The following CPA6 variants were observed in gnomAD, a reference collection of about 807,000 sequenced individuals.
The protein encoded by CPA6 is carboxypeptidase A6.
Under a neutral mutation model 63.3 loss-of-function variants are expected in CPA6, and 58 were observed. That is an observed-to-expected ratio of 0.92 (90% CI 0.74 to 1.14). The LOEUF is 1.14. Ranked by LOEUF, CPA6 falls within the 50% of genes most tolerant of loss-of-function variation. The probability of loss-of-function intolerance (pLI) is 0.00; values close to 1 mark genes in which losing one functional copy is unlikely to be tolerated. For synonymous variants in CPA6, 185 were observed against 179.0 expected (o/e 1.03, Z -0.27); for missense variants, 565 against 526.6 (o/e 1.07, Z -0.71).
intron 6 of CPA6, among the ~76,000 whole-genome samples, chr8:67,493,474 A>G (rs1811647289): frequency 6.6e-6 from 1 of 152,186 alleles, no homozygotes. Context: ...TCCTAAACAG[A>G]AAACCCACCA....
chr8:67,666,416 GAGGGGTGGGGA>G (rs1255763923), intron 1 of CPA6, among the ~76,000 whole-genome samples: 1 of 152,144 alleles, frequency 6.6e-6, no homozygotes, highest in Non-Finnish European at 1.5e-5. Context: ...TTCACTGAGA[GAGGGGTGGGGA>G]GGGGGGCACT....
At chr8:67,509,054 A>G (rs1327045574) in intron 5 of CPA6, among the ~76,000 whole-genome samples, 1 of 152,102 alleles carries the variant, frequency 6.6e-6, no homozygotes, top group Admixed American at 6.6e-5. Flanking sequence ...CGAAGGGGGA[A>G]GTGCTACACA....
intron 8 of CPA6, among the ~76,000 whole-genome samples, chr8:67,450,566 T>C (rs1810534441): frequency 6.6e-6 from 1 of 152,246 alleles, no homozygotes; most frequent in Non-Finnish European, 1.5e-5. Flanking sequence ...GATTTTCTCC[T>C]TCAAGATTGA....
chr8:67,538,962 T>G (rs1355435016), intron 2 of CPA6, among the ~76,000 whole-genome samples: 1 of 152,202 alleles, frequency 6.6e-6, no homozygotes, highest in Non-Finnish European at 1.5e-5. Context: ...CCCGGCCCAG[T>G]CTGTGTCTTT....
intron 1 of CPA6, among the ~76,000 whole-genome samples, chr8:67,723,882 C>T (rs1267612261): frequency 6.6e-6 from 1 of 152,022 alleles, no homozygotes; most frequent in African/African-American, 2.4e-5. Flanking sequence ...CTAAATACCA[C>T]AAAGAAAGAA....
intron 2 of CPA6, among the ~76,000 whole-genome samples, chr8:67,596,706 T>G (rs1814346887): frequency 6.6e-6 from 1 of 152,232 alleles, no homozygotes; most frequent in Non-Finnish European, 1.5e-5. Flanking sequence ...TTGCAAGTTA[T>G]ACCACTAATG....
At chr8:67,497,021 T>C (rs968378208) in intron 6 of CPA6, among the ~76,000 whole-genome samples, 2 of 152,184 alleles carry the variant, frequency 1.3e-5, no homozygotes, top group African/African-American at 4.8e-5. Flanking sequence ...ATACGTAATA[T>C]TTTGTGATCA....
chr8:67,577,232 C>T (rs891319038), intron 2 of CPA6, among the ~76,000 whole-genome samples: 1 of 152,134 alleles, frequency 6.6e-6, no homozygotes, highest in African/African-American at 2.4e-5. Context: ...CCCCTCAGTA[C>T]CATGACCATT....
At chr8:67,695,820 G>A (rs1458532597) in intron 1 of CPA6, among the ~76,000 whole-genome samples, 3 of 152,160 alleles carry the variant, frequency 2.0e-5, no homozygotes, top group African/African-American at 7.2e-5. Context: ...GAATTTACAG[G>A]TCCAGGAATC....
intron 1 of CPA6, 117 bp from the exon 2 acceptor site, chr8:67,624,368 T>G (rs1179424608): frequency 5.5e-6 from 3 of 550,346 alleles, no homozygotes; most frequent in African/African-American, 1.9e-5. Context: ...AGTGAAACTT[T>G]TCACTGGCCC....
intron 1 of CPA6, among the ~76,000 whole-genome samples, chr8:67,682,837 T>G (rs542278138): frequency 1.3e-5 from 2 of 152,348 alleles, no homozygotes; most frequent in African/African-American, 2.4e-5. Flanking sequence ...CATAAACTAC[T>G]CCTTCCCTAC....
In CPA6 at chr8:67,592,056, A is replaced by G. The variant is rs1369713204; in HGVS notation, c.192+32120T>C. On this transcript the variant is annotated intron_variant, in intron 2 of 10. Coordinates refer to ENST00000297770, the MANE Select transcript of CPA6 (RefSeq NM_020361.5). The stretch of plus-strand genomic sequence containing the variant: ...GATAGCTCTTATTATTTTGAGATAC[A>G]TCCCATCAATACCCAATTTATTGAG... 3.3e-5 allele frequency among the ~76,000 whole-genome samples: 5 copies of G among 152,228 alleles called. No homozygotes were observed. The East Asian group carries it at 5.8e-4, about 18-fold the overall frequency.
At chr8:67,682,066 T>C (rs553850294) in intron 1 of CPA6, among the ~76,000 whole-genome samples, 2 of 152,292 alleles carry the variant, frequency 1.3e-5, no homozygotes, top group African/African-American at 2.4e-5. Context: ...TCTTTTAGGA[T>C]TTTCTCTTTA....
At chr8:67,637,764 G>C (rs1328207452) in intron 1 of CPA6, among the ~76,000 whole-genome samples, 3 of 151,458 alleles carry the variant, frequency 2.0e-5, no homozygotes, top group African/African-American at 7.4e-5. Flanking sequence ...TTTAGCTGCA[G>C]TGATCAGAGA....
At chr8:67,682,272 G>C (rs1012987901) in intron 1 of CPA6, among the ~76,000 whole-genome samples, 1 of 151,778 alleles carries the variant, frequency 6.6e-6, no homozygotes, top group Admixed American at 6.6e-5. Context: ...TATTGCCATG[G>C]CTTCTTCAAG....
intron 1 of CPA6, among the ~76,000 whole-genome samples, chr8:67,737,235 T>C (rs574852395): frequency 1.9e-4 from 29 of 152,306 alleles, no homozygotes; most frequent in Non-Finnish European, 3.4e-4. Flanking sequence ...CCTTCTGTTA[T>C]AGCCATACTC....
chr8:67,637,864 T>C (rs1815505205), intron 1 of CPA6, among the ~76,000 whole-genome samples: 1 of 151,252 alleles, frequency 6.6e-6, no homozygotes, highest in Non-Finnish European at 1.5e-5. Flanking sequence ...AGTTTAGTGG[T>C]TTTGAAATTA....
intron 1 of CPA6, among the ~76,000 whole-genome samples, chr8:67,666,707 A>T (rs540691005): frequency 2.0e-5 from 3 of 152,036 alleles, no homozygotes; most frequent in Non-Finnish European, 4.4e-5. Flanking sequence ...TGTGACTGTG[A>T]TATAGGCTCA....
intron 1 of CPA6, among the ~76,000 whole-genome samples, chr8:67,678,878 C>T (rs879416080): frequency 3.3e-5 from 5 of 152,256 alleles, no homozygotes; most frequent in East Asian, 3.9e-4. Flanking sequence ...ATAGGTATAT[C>T]GCGATATGAG....
Sources: gnomAD v4.1 joint callset for allele counts (sites outside exome capture counted in the v4.1 genomes callset) on GRCh38, gnomAD v4.1.1 for gene constraint, MANE v1.5 for transcripts, NCBI Gene and HGNC (gene_info 2026-07-23, HGNC 2026-07-21) for gene names.